Variants in PEX5 observed in about 807,000 individuals in gnomAD.
PEX5 encodes the protein peroxisomal biogenesis factor 5, also known as PTS1 receptor.
Under a neutral mutation model 82.9 loss-of-function variants are expected in PEX5, and 52 were observed. The observed-to-expected ratio is 0.63, with a 90% CI of 0.50 to 0.79. The LOEUF (loss-of-function observed/expected upper bound fraction) is 0.79. PEX5 is among the 30% of genes least tolerant of loss of function. The probability of loss-of-function intolerance (pLI) is 0.00; values close to 1 mark genes in which losing one functional copy is unlikely to be tolerated. For synonymous variants in PEX5, 300 were observed against 318.8 expected, an observed-to-expected ratio of 0.94 and a Z score of 0.63; for missense variants, 719 against 815.2, an observed-to-expected ratio of 0.88 and a Z score of 1.44.
chr12:7,197,340 ATAT>A lies in PEX5; in HGVS notation c.449-1670_449-1668del, dbSNP rs1316100077. On this transcript the variant is annotated intron_variant, in intron 5 of 15. Coordinates refer to ENST00000675855, the MANE Select transcript of PEX5 (RefSeq NM_001351132.2). ...ATATGTCATATACAATGTAATAATTATATATGTCATATACAATGTAATAATTAT... is the reference window on the plus strand; with the variant it reads ...ATATGTCATATACAATGTAATAATTAATGTCATATACAATGTAATAATTAT... Among the ~76,000 whole-genome samples the A allele has an allele frequency of 1.8e-4, 17 of 95,356 alleles. 1 individual carries two copies. The highest frequency in any genetic ancestry group is 6.4e-4 in the African/African-American group (16 of 25,176). 62.6% of individuals were successfully genotyped at this position (95,356 alleles called of 152,430 possible).
At chr12:7,217,565 A>G (rs748662915) in intron 17 of PEX5, among the ~76,000 whole-genome samples, 3 of 152,358 alleles carry the variant, frequency 2.0e-5, no homozygotes, top group African/African-American at 7.2e-5. Flanking sequence ...AAGTCTCTGG[A>G]TCTCACACAA....
chr12:7,210,269 G>T lies in PEX5; in HGVS notation c.*46G>T, dbSNP rs748630711. 4 of 1,568,758 alleles carry T rather than the reference G, an allele frequency of 2.5e-6. No homozygotes were observed. Among genetic ancestry groups the T allele is most frequent in the Admixed American group, 1.7e-5 (1 of 59,960 alleles). ...TGAGTGTCCACCTGGAGGGATCCCC[G>T]CTTTGGATGTGATTCCCTCTCCCCA... On this transcript the variant is annotated 3_prime_UTR_variant, in exon 16 of 16. Transcript: ENST00000675855.
chr12:7,190,308 T>G, intron 1 of PEX5, 54 bp from the exon 2 acceptor site: 1 of 1,603,770 alleles, frequency 6.2e-7, no homozygotes, highest in East Asian at 2.2e-5. Context: ...GAGTTGTGGA[T>G]GTGAGAAGGG....
At chr12:7,200,066 G>A (rs1426505877) in intron 6 of PEX5, among the ~76,000 whole-genome samples, 1 of 91,160 alleles carries the variant, frequency 1.1e-5, no homozygotes, top group Admixed American at 1.6e-4. Context: ...GGCCGGGCGG[G>A]GGGCTGACCC....
intron 14 of PEX5, among the ~76,000 whole-genome samples, chr12:7,209,439 G>A (rs1041087647): frequency 1.3e-5 from 2 of 152,154 alleles, no homozygotes; most frequent in African/African-American, 4.8e-5. Context: ...TGCCTTGGGA[G>A]GACTGGGAAA....
Position 7,189,813 on chromosome 12 carries a change from G to C in PEX5, c.-17+63G>C, listed in dbSNP as rs977817879. 10 of 872,958 alleles carry C rather than the reference G, an allele frequency of 1.1e-5. No individual in the cohort carries two copies. The African/African-American group carries it at 1.6e-4, about 14-fold the overall frequency. The allele number at this position is 872,958 out of a possible 1,614,324, so 54.1% of individuals were successfully genotyped here. ...CCTGGGCCCTCCCCACCCTTGCGGT[G>C]GCCTCGCGGGTCCCAGGGGCGGGGC... On this transcript the variant is annotated intron_variant, in intron 1 of 15. Transcript: ENST00000675855.
In PEX5 at chr12:7,210,168, C is replaced by T. The variant is rs145638061; in HGVS notation, c.1865C>T (p.Ala622Val). 3 of 1,614,094 alleles carry T rather than the reference C, an allele frequency of 1.9e-6. No homozygotes were observed. In the African/African-American group the frequency reaches 4.0e-5, roughly 22 times the overall value. ...TTAGGCCAGAGCGATGCCTATGGGG[C>T]AGCCGACGCGCGGGATCTGTCCACC... is the stretch of plus-strand genomic sequence containing the variant. Reference protein sequence around the residue: ...SMLGQSDAYGAADARDLSTLL... With the variant: ...SMLGQSDAYGVADARDLSTLL... Residue 622 changes from alanine to valine, a missense_variant, in exon 16 of 16, where the codon GCA (alanine) becomes GTA (valine). Ala to Val is a moderately conservative substitution (Grantham distance 64, BLOSUM62 0). Transcript: ENST00000675855.
intron 5 of PEX5, among the ~76,000 whole-genome samples, chr12:7,194,623 C>A (rs1411648092): frequency 1.3e-5 from 2 of 152,210 alleles, no homozygotes; most frequent in African/African-American, 4.8e-5. Context: ...CGTCTTAAAT[C>A]TTCTGGGTCA....
rs747246394 is a variant in PEX5, at chr12:7,197,051, TTA to T, written c.449-1954_449-1953del. 2.9e-3 allele frequency among the ~76,000 whole-genome samples: 121 copies of T among 41,244 alleles called. 28 individuals are homozygous for T. The highest frequency in any genetic ancestry group is 6.6e-3 in the African/African-American group (93 of 14,032). The allele number at this position is 41,244 out of a possible 152,430, so 27.1% of individuals were successfully genotyped here. A position where few individuals can be genotyped will look rare whatever the true frequency, so the allele number is the denominator to read the frequency against. Reference sequence around the variant, plus strand: ...ATTATATATGTCACATATAATGTAATTATATATGTCACATATAATGTAATTAT... The same window carrying T: ...ATTATATATGTCACATATAATGTAATTATATGTCACATATAATGTAATTAT... On this transcript the variant is annotated intron_variant, in intron 5 of 15. Coordinates refer to ENST00000675855, the MANE Select transcript of PEX5 (RefSeq NM_001351132.2).
Position 7,211,215 on chromosome 12 carries a change from CATCTA to C in PEX5, c.*993_*997del, listed in dbSNP as rs1945529126. The stretch of plus-strand genomic sequence containing the variant: ...AGAGCATTGGAAAATCCCCTTCCCC[CATCTA>C]GATCGAAGGAAGATGAGGGAGCAGC... On this transcript the variant is annotated 3_prime_UTR_variant, in exon 16 of 16. Transcript: ENST00000675855. 1 of 152,610 alleles carries C rather than the reference CATCTA, an allele frequency of 6.6e-6. No homozygotes were observed. The highest frequency in any genetic ancestry group is 1.5e-5 in the Non-Finnish European group (1 of 68,034). 9.5% of individuals were successfully genotyped at this position (152,610 alleles called of 1,614,324 possible). A position where few individuals can be genotyped will look rare whatever the true frequency, so the allele number is the denominator to read the frequency against.
At chr12:7,217,520 A>C (rs61919598) in intron 17 of PEX5, among the ~76,000 whole-genome samples, 38,129 of 152,192 alleles carry the variant, frequency 0.25, 6,052 homozygotes, top group Non-Finnish European at 0.36. Context: ...GGGTGTCAAA[A>C]TGACAGAGCA....
intron 5 of PEX5, among the ~76,000 whole-genome samples, chr12:7,194,820 C>T (rs1249400242): frequency 6.6e-6 from 1 of 152,190 alleles, no homozygotes; most frequent in Non-Finnish European, 1.5e-5. Flanking sequence ...CAGATCTTTT[C>T]TGGATGTTGG....
chr12:7,211,991 G>T (rs1182178151), downstream of PEX5, among the ~76,000 whole-genome samples: 1,404 of 142,416 alleles, frequency 9.9e-3, 28 homozygotes, highest in African/African-American at 0.035. Context: ...TTAAGGCAGT[G>T]TTTCACTCTT....
chr12:7,190,217 G>A (rs916358188), intron 1 of PEX5, 145 bp from the exon 2 acceptor site: 2 of 1,578,804 alleles, frequency 1.3e-6, no homozygotes, highest in African/African-American at 2.7e-5. Context: ...CCTGGCAGAG[G>A]TGGGGGTCGC....
chr12:7,190,157 G>A (rs1022150175), intron 1 of PEX5: 7 of 1,490,722 alleles, frequency 4.7e-6, no homozygotes, highest in African/African-American at 1.4e-5. Context: ...GGCTGGAAGC[G>A]GTGGCCTTTG....
downstream of PEX5, among the ~76,000 whole-genome samples, chr12:7,212,335 C>G (rs376275970): frequency 1.3e-5 from 2 of 151,586 alleles, no homozygotes; most frequent in Non-Finnish European, 1.5e-5. Context: ...CTATGTTGAC[C>G]AGGCTGGTCT....
intron 6 of PEX5, among the ~76,000 whole-genome samples, chr12:7,200,395 C>T (rs1943651331): frequency 6.6e-6 from 1 of 151,488 alleles, no homozygotes; most frequent in South Asian, 2.1e-4. Flanking sequence ...AGACGCTCCT[C>T]ACTTTCCAGA....
chr12:7,208,508 G>A lies in PEX5; in HGVS notation c.1233G>A (p.Val411=). The change falls in exon 13 of 16, where the codon GTG becomes GTA. Residue 411 remains valine (V), a synonymous_variant. Coordinates refer to ENST00000675855, the MANE Select transcript of PEX5 (RefSeq NM_001351132.2). ...DNQTALMALA[V]SFTNESLQRQ... ...AGACAGCACTGATGGCGCTGGCTGT[G>A]AGCTTCACCAACGAGTCCCTGCAGC... 6.2e-7 allele frequency: 1 copy of A among 1,614,160 alleles called. No individual in the cohort carries two copies. The highest frequency in any genetic ancestry group is 8.5e-7 in the Non-Finnish European group (1 of 1,180,020).
At chr12:7,190,169 G>A in intron 1 of PEX5, 193 bp from the exon 2 acceptor site, 3 of 1,499,792 alleles carry the variant, frequency 2.0e-6, no homozygotes, top group Non-Finnish European at 1.8e-6. Flanking sequence ...TGGCCTTTGA[G>A]GGGGGCGGCA....
Sources: gnomAD v4.1 joint callset for allele counts (sites outside exome capture counted in the v4.1 genomes callset) on GRCh38, gnomAD v4.1.1 for gene constraint, MANE v1.5 for transcripts, NCBI Gene and HGNC (gene_info 2026-07-23, HGNC 2026-07-21) for gene names.